The following ABCC2 variants were observed in gnomAD, a reference collection of about 807,000 sequenced individuals.
The protein encoded by ABCC2 is ATP binding cassette subfamily C member 2, also known as ATP-binding cassette sub-family C member 2.
A neutral mutation model predicts 173.4 loss-of-function variants in ABCC2; 157 were observed. That is an observed-to-expected ratio of 0.91 (90% CI 0.80 to 1.03). ABCC2 has a LOEUF of 1.03. Ranked by LOEUF, ABCC2 falls within the 50% of genes least tolerant of loss-of-function variation. The pLI is 0.00. For synonymous variants in ABCC2, 657 were observed against 693.5 expected (o/e 0.95, Z 0.83); for missense variants, 1,822 against 1,852.3 (o/e 0.98, Z 0.30).
At chr10:99,795,342 G>A (rs116849846) in intron 6 of ABCC2, among the ~76,000 whole-genome samples, 1,799 of 152,294 alleles carry the variant, frequency 0.012, 17 homozygotes, top group Non-Finnish European at 0.018. Context: ...AAGATCTAGT[G>A]ATGAGTCTAA....
rs1179676362 is a variant in ABCC2, at chr10:99,847,182, A to C, written c.4313+55A>C. ...GGCAATGAGAGGATGTGAGGGGGCC[A>C]CTCCTCGTGTTCCTCGTGTTAGGTG... On this transcript the variant is annotated intron_variant, in intron 30 of 31. Coordinates refer to ENST00000647814, the MANE Select transcript of ABCC2 (RefSeq NM_000392.5). The C allele has an allele frequency of 1.9e-6, 3 of 1,586,924 alleles. No individual in the cohort carries two copies. The East Asian group carries it at 6.7e-5, about 35-fold the overall frequency.
At chr10:99,834,229 C>T in intron 23 of ABCC2, 151 bp from the exon 24 acceptor site, 2 of 832,776 alleles carry the variant, frequency 2.4e-6, no homozygotes, top group Non-Finnish European at 3.9e-6. Context: ...GCAAGCAATG[C>T]AGCCTATTGC....
At chr10:99,821,726 A>G (rs2038541209) in intron 19 of ABCC2, among the ~76,000 whole-genome samples, 1 of 152,194 alleles carries the variant, frequency 6.6e-6, no homozygotes, top group African/African-American at 2.4e-5. Flanking sequence ...ACATAACAAA[A>G]TGGAGTCTCC....
intron 7 of ABCC2, among the ~76,000 whole-genome samples, chr10:99,798,361 T>C (rs953080170): frequency 6.6e-6 from 1 of 152,070 alleles, no homozygotes; most frequent in Non-Finnish European, 1.5e-5. Context: ...GAGGACATAA[T>C]GAGGAGGCCA....
intron 30 of ABCC2, 61 bp from the exon 31 acceptor site, chr10:99,850,541 C>A: frequency 1.3e-6 from 2 of 1,546,254 alleles, no homozygotes; most frequent in Non-Finnish European, 1.8e-6. Context: ...AATGGTCCCC[C>A]TGCCCTGCGT....
chr10:99,818,900 T>C lies in ABCC2; in HGVS notation c.2382T>C (p.His794=), dbSNP rs775090587. The change falls in exon 18 of 32, where the codon CAT becomes CAC. Residue 794 remains histidine (H), a synonymous_variant. Coordinates refer to ENST00000647814, the MANE Select transcript of ABCC2 (RefSeq NM_000392.5). ...ACCCCCTGTCTGCAGTGGATGCTCA[T>C]GTAGGAAAACATATTTTTAATAAGG... ...LDDPLSAVDA[H]VGKHIFNKVL... The C allele has an allele frequency of 6.2e-7, 1 of 1,614,078 alleles. No individual in the cohort carries two copies. Among genetic ancestry groups the C allele is most frequent in the Non-Finnish European group, 8.5e-7 (1 of 1,180,046 alleles).
In ABCC2 at chr10:99,834,360, T is replaced by C; in HGVS notation, c.3259-20T>C. 1 of 1,613,616 alleles carries C rather than the reference T, an allele frequency of 6.2e-7. No homozygotes were observed. The highest frequency in any genetic ancestry group is 8.5e-7 in the Non-Finnish European group (1 of 1,179,554). On this transcript the variant is annotated intron_variant, in intron 23 of 31. Coordinates refer to ENST00000647814, the MANE Select transcript of ABCC2 (RefSeq NM_000392.5). The stretch of plus-strand genomic sequence containing the variant: ...AGGAAGACCTCAGTGATGGTGTATC[T>C]CTCCTAATCGTTTTCCTAGGATATT...
intron 25 of ABCC2, among the ~76,000 whole-genome samples, chr10:99,836,525 A>C (rs2038826974): frequency 6.6e-6 from 1 of 152,062 alleles, no homozygotes; most frequent in African/African-American, 2.4e-5. Context: ...TCTAAGGAGA[A>C]TCTCCATTTC....
In ABCC2 at chr10:99,831,843, GCTATGA is replaced by G; in HGVS notation, c.3103+15_3103+20del. On this transcript the variant is annotated intron_variant, in intron 22 of 31. Transcript: ENST00000647814. ...GGATTAGCCCAAGGTATGTCTGATGGCTATGACATCTTACAGAATCTGTCTGGACCC... is the reference window on the plus strand; with the variant it reads ...GGATTAGCCCAAGGTATGTCTGATGGCATCTTACAGAATCTGTCTGGACCC... 6.2e-7 allele frequency: 1 copy of G among 1,613,076 alleles called. No individual in the cohort carries two copies. The highest frequency in any genetic ancestry group is 8.5e-7 in the Non-Finnish European group (1 of 1,179,042).
At position 99,843,882 on chromosome 10, in the gene ABCC2, C is replaced by G. The variant is rs554976086; in HGVS notation, c.3825C>G (p.Tyr1275Ter). 1.1e-5 allele frequency: 17 copies of G among 1,613,980 alleles called. No individual in the cohort carries two copies. In the East Asian group the frequency reaches 3.8e-4, roughly 36 times the overall value. The part of the protein sequence containing the change: ...NIVAVERITE[Y>*]TKVENEAPWV... ...TGGCTGTTGAGCGAATAACTGAGTA[C>G]ACAAAAGTGGAAAATGAGGTAAGGA... is the stretch of plus-strand genomic sequence containing the variant. Residue 1275 changes from tyrosine (Y) to a stop codon, truncating the protein, a stop_gained, in exon 27 of 32, where the codon TAC (tyrosine) becomes TAG (stop). Transcript: ENST00000647814. LOFTEE classifies it high-confidence loss of function.
chr10:99,834,529 T>C lies in ABCC2; in HGVS notation c.3408T>C (p.Ser1136=), dbSNP rs2038788488. The change falls in exon 24 of 32, where the codon TCT becomes TCC. Residue 1136 remains serine, a synonymous_variant. Coordinates refer to ENST00000647814, the MANE Select transcript of ABCC2 (RefSeq NM_000392.5). ...TTCCTCTTGGCATTATTTATGTATC[T>C]GTTCAGGTAGGTTTGGAAATGGCTA... ...IVIPLGIIYV[S]VQMFYVSTSR... is the part of the protein sequence containing the mutation. 1.9e-6 allele frequency: 3 copies of C among 1,614,098 alleles called. No individual in the cohort carries two copies. Among genetic ancestry groups the C allele is most frequent in the African/African-American group, 1.3e-5 (1 of 74,938 alleles).
intron 27 of ABCC2, among the ~76,000 whole-genome samples, 179 bp downstream of exon 27, chr10:99,844,079 G>A (rs200036290): frequency 9.7e-4 from 148 of 152,314 alleles, no homozygotes; most frequent in Middle Eastern, 3.4e-3. Flanking sequence ...TGGTTTAGGG[G>A]ATGTCGGGTC....
intron 9 of ABCC2, among the ~76,000 whole-genome samples, chr10:99,802,086 A>AT (rs1363848215): frequency 6.6e-6 from 1 of 152,164 alleles, no homozygotes; most frequent in Non-Finnish European, 1.5e-5. Context: ...CACTTCTACA[A>AT]TTTTTTCATA....
rs752069285 is a variant in ABCC2 at position 99,805,392 on chromosome 10, T to C, written c.1475T>C (p.Met492Thr). ...CTTTTTTCCTGGCAGGTCAAAAATA[T>C]GAAGAATAAAGACAAACGTTTAAAG... ...TKSKTIQVKN[M>T]KNKDKRLKIM... Residue 492 changes from methionine to threonine, a missense_variant, in exon 11 of 32, where the codon ATG becomes ACG. Met to Thr is a moderately conservative substitution (Grantham distance 81). Coordinates refer to ENST00000647814, the MANE Select transcript of ABCC2 (RefSeq NM_000392.5). 8.1e-6 allele frequency: 13 copies of C among 1,613,728 alleles called. No individual in the cohort carries two copies. The highest frequency in any genetic ancestry group is 1.7e-5 in the Admixed American group (1 of 59,984).
chr10:99,792,360 G>T lies in ABCC2; in HGVS notation c.333+1G>T. The T allele has an allele frequency of 6.2e-7, 1 of 1,613,916 alleles. No individual in the cohort carries two copies. Among genetic ancestry groups the T allele is most frequent in the Non-Finnish European group, 8.5e-7 (1 of 1,179,846 alleles). On this transcript the variant is annotated splice_donor_variant, in intron 3 of 31. Transcript: ENST00000647814. LOFTEE classifies it high-confidence loss of function. ...TCCAAGCCTCTACCTAGGCACATGGGTAAGACCTATACCACTTCTGCCCTG... is the reference window on the plus strand; with the variant it reads ...TCCAAGCCTCTACCTAGGCACATGGTTAAGACCTATACCACTTCTGCCCTG...
At chr10:99,794,545 T>TTTA in intron 6 of ABCC2, 77 bp downstream of exon 6, 2 of 1,411,118 alleles carry the variant, frequency 1.4e-6, no homozygotes, top group Middle Eastern at 1.8e-4. Flanking sequence ...GATTTTTTAT[T>TTTA]TTATTATTTT....
At chr10:99,807,713 C>T (rs188288161) in intron 12 of ABCC2, among the ~76,000 whole-genome samples, 192 bp downstream of exon 12, 6 of 152,318 alleles carry the variant, frequency 3.9e-5, no homozygotes, top group Non-Finnish European at 7.3e-5. Flanking sequence ...GTTTCACCTT[C>T]GTGTACTGTA....
In ABCC2 at chr10:99,836,168, C is replaced by T. The variant is rs144192700; in HGVS notation, c.3492C>T (p.Ser1164=). 1.5e-3 allele frequency: 2,492 copies of T among 1,614,134 alleles called. 3 individuals are homozygous for T. Among genetic ancestry groups the T allele is most frequent in the Non-Finnish European group, 1.7e-3 (2,016 of 1,180,006 alleles). ...VTRSPIYSHF[S]ETVSGLPVIR... ...GGTCCCCAATCTACTCTCACTTCAG[C>T]GAGACCGTATCAGGTTTGCCAGTTA... The change falls in exon 25 of 32, where the codon AGC becomes AGT. Residue 1164 remains serine (S), a synonymous_variant. Transcript: ENST00000647814.
At chr10:99,801,735 T>G (rs2038019189) in intron 9 of ABCC2, among the ~76,000 whole-genome samples, 1 of 152,232 alleles carries the variant, frequency 6.6e-6, no homozygotes, top group Admixed American at 6.5e-5. Context: ...TAGTTGACTT[T>G]CTTCCTTTTT....
Sources: allele counts gnomAD v4.1 joint callset (sites outside exome capture counted in the v4.1 genomes callset), GRCh38; gene constraint gnomAD v4.1.1; transcripts MANE v1.5; gene names NCBI Gene and HGNC (gene_info 2026-07-23, HGNC 2026-07-21).